The following DLG2 variants were observed in gnomAD, a reference collection of about 807,000 sequenced individuals.
DLG2 encodes disks large homolog 2.
A neutral mutation model predicts 132.5 loss-of-function variants in DLG2; 45 were observed. The observed-to-expected ratio is 0.34, with a 90% CI of 0.27 to 0.44. The LOEUF (loss-of-function observed/expected upper bound fraction) is 0.44. DLG2 is among the 20% of genes least tolerant of loss of function. The pLI, the probability that DLG2 is intolerant of heterozygous loss-of-function variation, is 1.00. For synonymous variants in DLG2, 424 were observed against 419.6 expected (o/e 1.01, Z -0.13); for missense variants, 1,045 against 1,196.9 (o/e 0.87, Z 1.87).
intron 27 of DLG2, among the ~76,000 whole-genome samples, chr11:83,460,145 T>C (rs2089612658): frequency 6.6e-6 from 1 of 152,224 alleles, no homozygotes; most frequent in Non-Finnish European, 1.5e-5. Flanking sequence ...CAGTAACAAA[T>C]GATTCACAGT....
chr11:84,172,305 A>G (rs745883605), intron 8 of DLG2, among the ~76,000 whole-genome samples: 1 of 152,118 alleles, frequency 6.6e-6, no homozygotes, highest in African/African-American at 2.4e-5. Flanking sequence ...AACGCTCACA[A>G]GCTATAAAAA....
In DLG2 at chr11:83,928,760, T is replaced by C. The variant is rs567644770; in HGVS notation, c.1496+1568A>G. On this transcript the variant is annotated intron_variant, in intron 15 of 27. Coordinates refer to ENST00000376104, the MANE Select transcript of DLG2 (RefSeq NM_001142699.3). ...GTAAAACAAAGATAATAATAACATC[T>C]ACCTCAAAAAATTATTGTGAGGATT... Among the ~76,000 whole-genome samples, 32 of 152,250 alleles carry C rather than the reference T, an allele frequency of 2.1e-4. No individual in the cohort carries two copies. In the South Asian group the frequency reaches 3.9e-3, roughly 19 times the overall value.
intron 7 of DLG2, among the ~76,000 whole-genome samples, chr11:84,469,679 A>T (rs1173692183): frequency 6.6e-6 from 1 of 151,732 alleles, no homozygotes; most frequent in Non-Finnish European, 1.5e-5. Context: ...GACAAAATAG[A>T]TAATATGAAT....
intron 5 of DLG2, among the ~76,000 whole-genome samples, chr11:85,123,334 T>A (rs1394234807): frequency 2.0e-5 from 3 of 151,046 alleles, no homozygotes; most frequent in Non-Finnish European, 4.4e-5. Flanking sequence ...TGTATAGGAG[T>A]GGAAAGATAG....
chr11:83,876,488 TA>T (rs558666055), intron 15 of DLG2, among the ~76,000 whole-genome samples: 369 of 152,226 alleles, frequency 2.4e-3, no homozygotes, highest in African/African-American at 5.0e-3. Context: ...CATTTTCTAT[TA>T]AAAAATATTA....
intron 7 of DLG2, among the ~76,000 whole-genome samples, chr11:84,504,013 A>T (rs1299538492): frequency 2.0e-5 from 3 of 152,206 alleles, no homozygotes; most frequent in African/African-American, 7.2e-5. Context: ...ACGGATGTAG[A>T]TATTTTTCCC....
chr11:84,092,951 G>A (rs1385557310), intron 10 of DLG2, among the ~76,000 whole-genome samples: 1 of 151,200 alleles, frequency 6.6e-6, no homozygotes, highest in Non-Finnish European at 1.5e-5. Context: ...CAGAAGAATC[G>A]CTTGAACCCA....
intron 7 of DLG2, among the ~76,000 whole-genome samples, chr11:84,367,289 G>T (rs2098688003): frequency 6.6e-6 from 1 of 152,110 alleles, no homozygotes; most frequent in African/African-American, 2.4e-5. Flanking sequence ...CAAGCCATGT[G>T]ATCTTTGCAG....
chr11:84,893,136 G>A (rs376653772), intron 6 of DLG2, among the ~76,000 whole-genome samples: 10 of 152,204 alleles, frequency 6.6e-5, no homozygotes, highest in East Asian at 3.9e-4. Flanking sequence ...TGGAGCATCC[G>A]TTTCCTCTGT....
At chr11:85,169,164 T>C (rs71482571) in intron 4 of DLG2, among the ~76,000 whole-genome samples, 1 of 152,208 alleles carries the variant, frequency 6.6e-6, no homozygotes, top group African/African-American at 2.4e-5. Flanking sequence ...ATAGTTGTTG[T>C]ACTGTATTTT....
At chr11:84,317,114 C>A (rs768387969) in intron 7 of DLG2, 1 of 1,612,748 alleles carries the variant, frequency 6.2e-7, no homozygotes, top group South Asian at 1.1e-5. Context: ...CCCCCGGCTG[C>A]AGCTGTGTTG....
At chr11:84,748,715 G>A (rs1390796541) in intron 6 of DLG2, among the ~76,000 whole-genome samples, 1 of 152,200 alleles carries the variant, frequency 6.6e-6, no homozygotes, top group Non-Finnish European at 1.5e-5. Flanking sequence ...TACGCGGACT[G>A]TAAATTAAGT....
chr11:83,598,538 C>G (rs1841199688), intron 19 of DLG2, among the ~76,000 whole-genome samples: 1 of 152,202 alleles, frequency 6.6e-6, no homozygotes, highest in African/African-American at 2.4e-5. Flanking sequence ...TCTGTCCCAG[C>G]TTTAGGGTTG....
intron 6 of DLG2, among the ~76,000 whole-genome samples, chr11:84,689,875 CAAAA>C (rs1305200665): frequency 6.6e-6 from 1 of 151,614 alleles, no homozygotes; most frequent in African/African-American, 2.4e-5. Context: ...GAAAAAGAGA[CAAAA>C]AAGTTCAAAT....
In DLG2 at chr11:84,919,618, T is replaced by TG. The variant is rs142393890; in HGVS notation, c.357+192042dup. Among the ~76,000 whole-genome samples, 132 of 152,272 alleles carry TG rather than the reference T, an allele frequency of 8.7e-4. 3 individuals are homozygous for TG. The East Asian group carries it at 0.023, about 26-fold the overall frequency. On this transcript the variant is annotated intron_variant, in intron 6 of 27. Transcript: ENST00000376104. ...TTACCTGTGCTATAGGTCTAATACT[T>TG]GCAATTCATATTTCAGGGATTGTGG...
Position 84,220,794 on chromosome 11 carries a change from T to A in DLG2, c.573+30444A>T, listed in dbSNP as rs1172397600. ...CTTTTTCTTTTCTTTTTTTTTTTTT[T>A]TTTTTTTGACAGGGTCTAGCTCTGT... On this transcript the variant is annotated intron_variant, in intron 8 of 27. Transcript: ENST00000376104. Among the ~76,000 whole-genome samples, 7 of 140,430 alleles carry A rather than the reference T, an allele frequency of 5.0e-5. No homozygotes were observed. In the Admixed American group the frequency reaches 5.1e-4, roughly 10 times the overall value. 92.1% of individuals were successfully genotyped at this position (140,430 alleles called of 152,430 possible). A position where few individuals can be genotyped will look rare whatever the true frequency, so the allele number is the denominator to read the frequency against.
rs556127958 is a variant in DLG2, at chr11:83,863,449, G to T, written c.1565+10971C>A. ...TTGTATCTCCTCAGGGTGTGTGAGA[G>T]GTGCACAGGAAATGTTTTGTTAAAT... On this transcript the variant is annotated intron_variant, in intron 16 of 27. Coordinates refer to ENST00000376104, the MANE Select transcript of DLG2 (RefSeq NM_001142699.3). Among the ~76,000 whole-genome samples, 19 of 152,174 alleles carry T rather than the reference G, an allele frequency of 1.2e-4. No homozygotes were observed. The Middle Eastern group carries it at 0.014, about 109-fold the overall frequency.
intron 3 of DLG2, among the ~76,000 whole-genome samples, chr11:85,510,888 T>C (rs933251787): frequency 4.6e-5 from 7 of 152,084 alleles, no homozygotes; most frequent in African/African-American, 1.7e-4. Flanking sequence ...ACCCAAAGGA[T>C]TATAAATCAT....
intron 15 of DLG2, among the ~76,000 whole-genome samples, chr11:83,908,226 T>C (rs1050749640): frequency 2.0e-5 from 3 of 152,314 alleles, no homozygotes; most frequent in Admixed American, 2.0e-4. Flanking sequence ...TTTTAATGAA[T>C]GGTCACTACA....
Sources: gnomAD v4.1 joint callset for allele counts (sites outside exome capture counted in the v4.1 genomes callset) on GRCh38, gnomAD v4.1.1 for gene constraint, MANE v1.5 for transcripts, NCBI Gene and HGNC (gene_info 2026-07-23, HGNC 2026-07-21) for gene names.